KIF20B: variants seen among roughly 807,000 people sequenced by gnomAD.
The protein encoded by KIF20B is kinesin-like protein KIF20B.
Under a neutral mutation model 232.5 loss-of-function variants are expected in KIF20B, and 188 were observed. The ratio of observed to expected loss-of-function variants is 0.81; its 90% CI spans 0.72 to 0.91. The LOEUF is 0.91. KIF20B is among the 40% of genes least tolerant of loss of function. KIF20B has a pLI of 0.00. For missense variants in KIF20B, 2,154 were observed against 2,055.9 expected (o/e 1.05, Z -0.92); for synonymous variants, 712 against 683.0 (o/e 1.04, Z -0.66).
chr10:89,768,584 A>G (rs1489983565), intron 30 of KIF20B, among the ~76,000 whole-genome samples, 154 bp from the exon 31 acceptor site: 2 of 152,092 alleles, frequency 1.3e-5, no homozygotes, highest in South Asian at 2.1e-4. Context: ...TCTTTTTGCC[A>G]TTGTCTGACC....
chr10:89,711,503 T>C (rs924672407), intron 6 of KIF20B, among the ~76,000 whole-genome samples: 2 of 152,108 alleles, frequency 1.3e-5, no homozygotes, highest in African/African-American at 4.8e-5. Context: ...AGTAAAAGTT[T>C]CCTTTAATTT....
At chr10:89,757,953 T>G (rs953701815) in intron 26 of KIF20B, among the ~76,000 whole-genome samples, 1 of 151,998 alleles carries the variant, frequency 6.6e-6, no homozygotes, top group Admixed American at 6.6e-5. Flanking sequence ...TTGTAGATCG[T>G]CTCTTCTGTC....
At chr10:89,739,875 T>C (rs1841755736) in intron 21 of KIF20B, among the ~76,000 whole-genome samples, 1 of 152,198 alleles carries the variant, frequency 6.6e-6, no homozygotes, top group African/African-American at 2.4e-5. Flanking sequence ...ACATCATATT[T>C]CTGAGATTGA....
rs1393985414 is a variant in KIF20B, at chr10:89,715,128, A to C, written c.886A>C (p.Lys296Gln). 4 of 1,608,364 alleles carry C rather than the reference A, an allele frequency of 2.5e-6. No homozygotes were observed. The Admixed American group carries it at 6.7e-5, about 27-fold the overall frequency. ...TGTTCCTGTATCATCTAAATTCCAAAAGAGAAAGATGCTGCGCCTTTCCCA... is the reference window on the plus strand; with the variant it reads ...TGTTCCTGTATCATCTAAATTCCAACAGAGAAAGATGCTGCGCCTTTCCCA... ...LFVPVSSKFQ[K>Q]RKMLRLSQDV... The change falls in exon 8 of 33, where the codon AAG becomes CAG. Residue 296 changes from lysine to glutamine, a missense_variant. Lys to Gln is a moderately conservative substitution (Grantham distance 53, BLOSUM62 1). Coordinates refer to ENST00000371728, the MANE Select transcript of KIF20B (RefSeq NM_001284259.2).
In KIF20B at chr10:89,768,411, C is replaced by T; in HGVS notation, c.5091+20C>T. On this transcript the variant is annotated intron_variant, in intron 30 of 32. Transcript: ENST00000371728. The stretch of plus-strand genomic sequence containing the variant: ...CAAAAGGTGTGTCTTTTAATTTGTC[C>T]AAAATTGTAGCAATTATCCAGAAAT... The T allele has an allele frequency of 7.3e-7, 1 of 1,379,086 alleles. No individual in the cohort carries two copies. The highest frequency in any genetic ancestry group is 1.8e-4 in the Middle Eastern group (1 of 5,458). 85.4% of individuals were successfully genotyped at this position (1,379,086 alleles called of 1,614,324 possible). A position where few individuals can be genotyped will look rare whatever the true frequency, so the allele number is the denominator to read the frequency against.
rs371910427 is a variant in KIF20B, at chr10:89,732,104, C to G, written c.2392-799C>G. Reference sequence around the variant, plus strand: ...ATATTATACCCTTTTTTTGGAAGTTCCCCCCCTCTCTCAGCTCCCCCACTT... The same window carrying G: ...ATATTATACCCTTTTTTTGGAAGTTGCCCCCCTCTCTCAGCTCCCCCACTT... On this transcript the variant is annotated intron_variant, in intron 18 of 32. Coordinates refer to ENST00000371728, the MANE Select transcript of KIF20B (RefSeq NM_001284259.2). Among the ~76,000 whole-genome samples the G allele has an allele frequency of 2.1e-5, 3 of 144,626 alleles. No homozygotes were observed. In the East Asian group the frequency reaches 6.4e-4, roughly 31 times the overall value. The allele number at this position is 144,626 out of a possible 152,430, so 94.9% of individuals were successfully genotyped here.
chr10:89,738,071 A>G lies in KIF20B; in HGVS notation c.3230A>G (p.Gln1077Arg), dbSNP rs1368450473. The G allele has an allele frequency of 1.2e-6, 2 of 1,613,186 alleles. No homozygotes were observed. Among genetic ancestry groups the G allele is most frequent in the Non-Finnish European group, 1.7e-6 (2 of 1,179,672 alleles). The change falls in exon 20 of 33, where the codon CAG (glutamine) becomes CGG (arginine). Residue 1077 changes from glutamine to arginine, a missense_variant. Gln to Arg is a conservative substitution (Grantham distance 43). Transcript: ENST00000371728. Reference sequence around the variant, plus strand: ...AAGGCCTCTTCCAAAAAAAGTCATCAGATTGAGGAACTGGAACAACAAATT... The same window carrying G: ...AAGGCCTCTTCCAAAAAAAGTCATCGGATTGAGGAACTGGAACAACAAATT... Reference protein sequence around the residue: ...IVKASSKKSHQIEELEQQIEK... With the variant: ...IVKASSKKSHRIEELEQQIEK...
At chr10:89,753,769 C>T (rs765584043) in intron 25 of KIF20B, among the ~76,000 whole-genome samples, 24 of 152,114 alleles carry the variant, frequency 1.6e-4, no homozygotes, top group South Asian at 2.1e-4. Flanking sequence ...TACAGGTACA[C>T]GCCAGCTCGC....
intron 15 of KIF20B, 101 bp from the exon 16 acceptor site, chr10:89,726,192 G>T: frequency 7.6e-7 from 1 of 1,320,692 alleles, no homozygotes; most frequent in Non-Finnish European, 9.7e-7. Context: ...TTCAAGTGAT[G>T]AATTTTTTGC....
chr10:89,716,563 T>G lies in KIF20B; in HGVS notation c.1052+16T>G, dbSNP rs1320033782. ...CCAGTAGAAGGTAAAGAATAAACTC[T>G]GTAAGAGTAAACTCGAATCACCGAT... On this transcript the variant is annotated intron_variant, in intron 9 of 32. Coordinates refer to ENST00000371728, the MANE Select transcript of KIF20B (RefSeq NM_001284259.2). The G allele has an allele frequency of 8.2e-6, 10 of 1,219,106 alleles. No individual in the cohort carries two copies. Among genetic ancestry groups the G allele is most frequent in the Non-Finnish European group, 1.2e-5 (10 of 839,302 alleles). 75.5% of individuals were successfully genotyped at this position (1,219,106 alleles called of 1,614,324 possible).
At chr10:89,735,465 C>T (rs567244393) in intron 19 of KIF20B, among the ~76,000 whole-genome samples, 1 of 149,680 alleles carries the variant, frequency 6.7e-6, no homozygotes, top group African/African-American at 2.5e-5. Context: ...ATATTCGGGA[C>T]TCATTAAAAA....
chr10:89,734,436 G>T (rs1171679060), intron 19 of KIF20B, among the ~76,000 whole-genome samples: 1 of 151,998 alleles, frequency 6.6e-6, no homozygotes, highest in African/African-American at 2.4e-5. Flanking sequence ...GTGGTGGGGG[G>T]TCATAGTATT....
Position 89,715,271 on chromosome 10 carries a change from G to A in KIF20B, c.940+89G>A, listed in dbSNP as rs1842914960. The A allele has an allele frequency of 3.8e-6, 3 of 798,130 alleles. No homozygotes were observed. The Admixed American group carries it at 8.8e-5, about 23-fold the overall frequency. The allele number at this position is 798,130 out of a possible 1,614,324, so 49.4% of individuals were successfully genotyped here. On this transcript the variant is annotated intron_variant, in intron 8 of 32. Transcript: ENST00000371728. ...GTAAGACTAAAACAAATAGAAAATTGAAAATTGTAATGCTAATTATTAACA... is the reference window on the plus strand; with the variant it reads ...GTAAGACTAAAACAAATAGAAAATTAAAAATTGTAATGCTAATTATTAACA...
At chr10:89,744,675 T>G (rs970776798) in intron 22 of KIF20B, among the ~76,000 whole-genome samples, 3 of 152,212 alleles carry the variant, frequency 2.0e-5, no homozygotes, top group African/African-American at 7.2e-5. Context: ...TATTTTTTGC[T>G]TGATATCAAC....
chr10:89,765,138 A>AT (rs566109505), intron 29 of KIF20B, among the ~76,000 whole-genome samples: 76 of 152,088 alleles, frequency 5.0e-4, no homozygotes, highest in African/African-American at 1.8e-3. Flanking sequence ...TCCCAGCACC[A>AT]TTTATTAAAT....
chr10:89,702,362 A>T (rs1842630234), intron 1 of KIF20B, among the ~76,000 whole-genome samples: 1 of 152,110 alleles, frequency 6.6e-6, no homozygotes, highest in Admixed American at 6.5e-5. Flanking sequence ...CTCCATCTCG[A>T]TTCGCTCGCT....
chr10:89,716,268 A>C lies in KIF20B; in HGVS notation c.941-168A>C, dbSNP rs978826821. On this transcript the variant is annotated intron_variant, in intron 8 of 32. Transcript: ENST00000371728. Reference sequence around the variant, plus strand: ...AATTTACATTCTAGAACATTGTTACAATCTTCTCTGGTGTAACCTGAAATA... The same window carrying C: ...AATTTACATTCTAGAACATTGTTACCATCTTCTCTGGTGTAACCTGAAATA... 1.3e-5 allele frequency among the ~76,000 whole-genome samples: 2 copies of C among 152,184 alleles called. 1 individual carries two copies. Among genetic ancestry groups the C allele is most frequent in the South Asian group, 4.1e-4 (2 of 4,832 alleles).
In KIF20B at chr10:89,762,765, C is replaced by T. The variant is rs368820868; in HGVS notation, c.4919C>T (p.Pro1640Leu). 1 of 1,613,432 alleles carries T rather than the reference C, an allele frequency of 6.2e-7. No individual in the cohort carries two copies. Among genetic ancestry groups the T allele is most frequent in the Non-Finnish European group, 8.5e-7 (1 of 1,179,632 alleles). ...LQPNKMAVKH[P>L]GCTTPVTVKI... is the part of the protein sequence containing the mutation. Reference sequence around the variant, plus strand: ...CCAAACAAAATGGCAGTGAAACACCCTGGTTGTACCACACCAGTGACAGTT... The same window carrying T: ...CCAAACAAAATGGCAGTGAAACACCTTGGTTGTACCACACCAGTGACAGTT... Residue 1640 changes from proline (P) to leucine (L), a missense_variant, in exon 29 of 33, where the codon CCT becomes CTT. Physicochemically the swap from Pro to Leu is moderately conservative, Grantham distance 98. Coordinates refer to ENST00000371728, the MANE Select transcript of KIF20B (RefSeq NM_001284259.2).
chr10:89,733,570 T>A (rs1157606473), intron 19 of KIF20B, among the ~76,000 whole-genome samples: 1 of 152,168 alleles, frequency 6.6e-6, no homozygotes, highest in African/African-American at 2.4e-5. Flanking sequence ...CTGGGCAAGT[T>A]TGTTGTAAAT....
Sources: allele counts gnomAD v4.1 joint callset (sites outside exome capture counted in the v4.1 genomes callset), GRCh38; gene constraint gnomAD v4.1.1; transcripts MANE v1.5; gene names NCBI Gene and HGNC (gene_info 2026-07-23, HGNC 2026-07-21).